The following ABLIM1 variants were observed in gnomAD, a reference collection of about 807,000 sequenced individuals.
The protein encoded by ABLIM1 is actin binding LIM protein 1.
Under a neutral mutation model 107.0 loss-of-function variants are expected in ABLIM1, and 40 were observed. The ratio of observed to expected loss-of-function variants is 0.37; its 90% CI spans 0.29 to 0.49. ABLIM1 has a LOEUF of 0.49. Among genes scored for constraint, ABLIM1 ranks in the 20% least tolerant of loss-of-function variants. The pLI is 0.97. For synonymous variants in ABLIM1, 357 were observed against 357.3 expected (o/e 1.00, Z 0.01); for missense variants, 857 against 1,008.5 (o/e 0.85, Z 2.04).
intron 1 of ABLIM1, among the ~76,000 whole-genome samples, chr10:114,611,681 G>A (rs1190366274): frequency 6.6e-6 from 1 of 152,112 alleles, no homozygotes; most frequent in East Asian, 1.9e-4. Flanking sequence ...ATTCAGCCAG[G>A]AAATTTCCTC....
chr10:114,603,093 C>T (rs911005247), intron 1 of ABLIM1, among the ~76,000 whole-genome samples: 12 of 152,178 alleles, frequency 7.9e-5, no homozygotes, highest in Admixed American at 2.6e-4. Flanking sequence ...GGGACAAGAA[C>T]ATTGAACCTA....
chr10:114,637,075 A>T (rs1413932141), intron 1 of ABLIM1, among the ~76,000 whole-genome samples: 1 of 149,266 alleles, frequency 6.7e-6, no homozygotes, highest in Non-Finnish European at 1.5e-5. Flanking sequence ...GGAGGTTTGC[A>T]GATCACCAGG....
At chr10:114,788,345 A>AAT in the ABLIM1 span, among the ~76,000 whole-genome samples, 18 of 111,080 alleles carry the variant, frequency 1.6e-4, no homozygotes, top group East Asian at 4.5e-3. Flanking sequence ...AAAAAAAAAA[A>AAT]AAATAAATAA....
the ABLIM1 span, among the ~76,000 whole-genome samples, chr10:114,789,441 C>T: frequency 6.6e-6 from 1 of 152,094 alleles, no homozygotes; most frequent in African/African-American, 2.4e-5. Context: ...GTGAGCTTCC[C>T]ATTGACATCA....
chr10:114,541,514 G>A (rs531633622), intron 6 of ABLIM1, among the ~76,000 whole-genome samples: 2 of 151,828 alleles, frequency 1.3e-5, no homozygotes, highest in South Asian at 4.2e-4. Context: ...GTCCTGCTTT[G>A]TGTTGGTAAC....
chr10:114,625,254 C>T (rs533115807), intron 1 of ABLIM1, among the ~76,000 whole-genome samples: 3 of 152,088 alleles, frequency 2.0e-5, no homozygotes, highest in Admixed American at 2.0e-4. Flanking sequence ...CAATAGTCAT[C>T]GCACACATGA....
chr10:114,632,062 G>A, intron 1 of ABLIM1: 1 of 1,208,494 alleles, frequency 8.3e-7, no homozygotes, highest in East Asian at 6.8e-5. Context: ...CCGGGGCTGT[G>A]GTCTCGAGTC....
intron 14 of ABLIM1, among the ~76,000 whole-genome samples, chr10:114,451,228 T>C (rs2061838174): frequency 6.6e-6 from 1 of 152,204 alleles, no homozygotes; most frequent in African/African-American, 2.4e-5. Context: ...TCAGTCAAAT[T>C]AGTTTTTCTA....
intron 14 of ABLIM1, among the ~76,000 whole-genome samples, chr10:114,448,586 G>A: frequency 6.8e-6 from 1 of 146,062 alleles, no homozygotes; most frequent in Admixed American, 6.7e-5. Context: ...CCACAAATAT[G>A]TTGGTCCAGA....
At chr10:114,656,228 C>CCATTA (rs932173204) in intron 1 of ABLIM1, among the ~76,000 whole-genome samples, 6 of 143,356 alleles carry the variant, frequency 4.2e-5, no homozygotes, top group African/African-American at 1.3e-4. Context: ...CGAGATCACG[C>CCATTA]CATTACACTC....
chr10:114,638,475 A>T (rs1048485453), intron 1 of ABLIM1, among the ~76,000 whole-genome samples: 1 of 152,188 alleles, frequency 6.6e-6, no homozygotes, highest in Non-Finnish European at 1.5e-5. Context: ...TCTTGTCCTC[A>T]TAACAACTGG....
At chr10:114,689,102 G>A (rs570878756), upstream of ABLIM1, among the ~76,000 whole-genome samples, 1 of 152,242 alleles carries the variant, frequency 6.6e-6, no homozygotes, top group South Asian at 2.1e-4. Flanking sequence ...GGCCATCGTA[G>A]CAGGCTGCTT....
intron 4 of ABLIM1, among the ~76,000 whole-genome samples, chr10:114,547,977 G>A (rs527650269): frequency 6.6e-5 from 10 of 152,266 alleles, no homozygotes; most frequent in Admixed American, 2.0e-4. Context: ...GACACAGAAC[G>A]GAAGCTTCAT....
intron 6 of ABLIM1, among the ~76,000 whole-genome samples, chr10:114,507,267 A>G (rs2135850192): frequency 1.3e-5 from 2 of 152,274 alleles, no homozygotes; most frequent in South Asian, 4.1e-4. Context: ...TTCACTGGGA[A>G]CAGTGAGGAG....
In ABLIM1 at chr10:114,491,888, A is replaced by T. The variant is rs756002878; in HGVS notation, c.895-10T>A. 1 of 1,601,734 alleles carries T rather than the reference A, an allele frequency of 6.2e-7. No individual in the cohort carries two copies. On this transcript the variant is annotated splice_polypyrimidine_tract_variant and intron_variant, in intron 6 of 22. Transcript: ENST00000533213. ...AATGTTTGTCACCTGCCTGCAAGAG[A>T]AAAGGTAGGGAACGTTGAGTCTGCT...
chr10:114,720,526 C>T (rs2142039863), intron 1 of ABLIM1, among the ~76,000 whole-genome samples: 1 of 152,242 alleles, frequency 6.6e-6, no homozygotes, highest in East Asian at 1.9e-4. Flanking sequence ...AGCAGCCTCG[C>T]CAGCATCTGT....
At chr10:114,687,137 CTTAA>C (rs1050420799), upstream of ABLIM1, among the ~76,000 whole-genome samples, 48 of 152,256 alleles carry the variant, frequency 3.2e-4, no homozygotes, top group African/African-American at 1.0e-3. Context: ...TTGAGAAATG[CTTAA>C]TTAAATATTG....
chr10:114,439,229 G>A lies in ABLIM1; in HGVS notation c.2089C>T (p.Pro697Ser), dbSNP rs1436893329. 6.2e-7 allele frequency: 1 copy of A among 1,614,228 alleles called. No homozygotes were observed. Among genetic ancestry groups the A allele is most frequent in the Admixed American group, 1.7e-5 (1 of 60,030 alleles). ...DYQTLPDGHM[P>S]AMRMDRGVSM... ...ACTCCTCGGTCCATTCTCATTGCAGGCATGTGGCCATCTGGGAGTGTCTGC... is the reference window on the plus strand; with the variant it reads ...ACTCCTCGGTCCATTCTCATTGCAGACATGTGGCCATCTGGGAGTGTCTGC... Residue 697 changes from proline to serine, a missense_variant, in exon 21 of 23, where the codon CCT becomes TCT. Pro to Ser is a moderately conservative substitution (Grantham distance 74). Transcript: ENST00000533213.
At chr10:114,566,149 T>C (rs1486596436) in intron 4 of ABLIM1, among the ~76,000 whole-genome samples, 1 of 152,106 alleles carries the variant, frequency 6.6e-6, no homozygotes, top group Non-Finnish European at 1.5e-5. Flanking sequence ...CTGTAGGAGT[T>C]CCAATTGCAG....
Sources: allele counts gnomAD v4.1 joint callset (sites outside exome capture counted in the v4.1 genomes callset), GRCh38; gene constraint gnomAD v4.1.1; transcripts MANE v1.5; gene names NCBI Gene and HGNC (gene_info 2026-07-23, HGNC 2026-07-21).